The following LYZL2 variants were observed in gnomAD, a reference collection of about 807,000 sequenced individuals.
LYZL2 encodes lysozyme like 2, also known as lysozyme-like protein 2.
Under a neutral mutation model 17.1 loss-of-function variants are expected in LYZL2, and 13 were observed. That is an observed-to-expected ratio of 0.76 (90% confidence interval 0.49 to 1.21). LYZL2 has a LOEUF of 1.21. LYZL2 is among the 50% of genes most tolerant of loss of function. The pLI is 0.00. For missense variants in LYZL2, 166 were observed against 189.2 expected, an observed-to-expected ratio of 0.88 and a Z score of 0.72; for synonymous variants, 63 against 74.4, an observed-to-expected ratio of 0.85 and a Z score of 0.79.
chr10:30,614,479 A>T (rs1838497001), intron 3 of LYZL2, among the ~76,000 whole-genome samples: 1 of 152,246 alleles, frequency 6.6e-6, no homozygotes, highest in Non-Finnish European at 1.5e-5. Context: ...ATCCTGAAGC[A>T]GGTGGCAGGT....
At chr10:30,611,613 AAGAG>A (rs766546019), downstream of LYZL2, among the ~76,000 whole-genome samples, 2 of 139,438 alleles carry the variant, frequency 1.4e-5, no homozygotes, top group African/African-American at 5.4e-5. Context: ...GAAAGAAAGA[AAGAG>A]AAAGAAAGAA....
chr10:30,629,365 G>C (rs1838769525), intron 1 of LYZL2, among the ~76,000 whole-genome samples: 1 of 150,812 alleles, frequency 6.6e-6, no homozygotes, highest in Non-Finnish European at 1.5e-5. Flanking sequence ...CTGCACTCCA[G>C]CCTGGGCAAC....
chr10:30,626,424 C>T (rs1441792499), intron 2 of LYZL2, among the ~76,000 whole-genome samples, 161 bp from the exon 3 acceptor site: 1 of 152,186 alleles, frequency 6.6e-6, no homozygotes, highest in East Asian at 1.9e-4. Flanking sequence ...ACACGAGGGG[C>T]ACATCAGGGG....
At chr10:30,613,015 A>G (rs140245978) in intron 3 of LYZL2, 115 bp from the exon 4 acceptor site, 223 of 733,894 alleles carry the variant, frequency 3.0e-4, no homozygotes, top group Middle Eastern at 2.2e-3. Context: ...TGGAAGAACT[A>G]TAATTTTCCC....
At chr10:30,618,181 C>T (rs1454333813) in intron 3 of LYZL2, among the ~76,000 whole-genome samples, 1 of 152,162 alleles carries the variant, frequency 6.6e-6, no homozygotes, top group South Asian at 2.1e-4. Flanking sequence ...AAAGAGGATA[C>T]AAACAAATGG....
downstream of LYZL2, among the ~76,000 whole-genome samples, chr10:30,610,248 A>G (rs904612249): frequency 3.3e-5 from 5 of 152,206 alleles, no homozygotes; most frequent in African/African-American, 1.2e-4. Flanking sequence ...CTGGAATAAC[A>G]TGGGGAACTC....
At chr10:30,612,924 G>A (rs755502964) in intron 3 of LYZL2, 24 bp from the exon 4 acceptor site, 2 of 1,598,436 alleles carry the variant, frequency 1.3e-6, no homozygotes, top group South Asian at 2.2e-5. Flanking sequence ...GGTCATCAGG[G>A]TTAGGCGAGA....
intron 3 of LYZL2, among the ~76,000 whole-genome samples, chr10:30,623,982 C>T (rs1377289960): frequency 6.6e-6 from 1 of 152,202 alleles, no homozygotes; most frequent in Admixed American, 6.5e-5. Flanking sequence ...TCATCCTTCA[C>T]TCTCAGGCTG....
chr10:30,629,456 T>C, intron 1 of LYZL2, 137 bp downstream of exon 1: 2 of 767,274 alleles, frequency 2.6e-6, no homozygotes, highest in East Asian at 5.7e-5. Context: ...TGCCTTAGAA[T>C]GTTAACTGAT....
At chr10:30,611,558 G>A (rs185411418), downstream of LYZL2, among the ~76,000 whole-genome samples, 481 of 75,076 alleles carry the variant, frequency 6.4e-3, 1 homozygote, top group Middle Eastern at 0.012. Flanking sequence ...AAGGAAGGAA[G>A]GAAGGAAGGA....
At chr10:30,623,528 TCCA>T (rs1414613000) in intron 3 of LYZL2, among the ~76,000 whole-genome samples, 4 of 152,174 alleles carry the variant, frequency 2.6e-5, no homozygotes, top group African/African-American at 9.7e-5. Flanking sequence ...CTGCCTGGAC[TCCA>T]CCTCCTGTCA....
In LYZL2 at chr10:30,626,699, A is replaced by G. The variant is rs577324046; in HGVS notation, c.139+78T>C. On this transcript the variant is annotated intron_variant, in intron 2 of 4. Coordinates refer to ENST00000647634, the MANE Select transcript of LYZL2 (RefSeq NM_183058.3). ...GCAGGGGTAGTTGGGGAGACACAGC[A>G]GGGAGTGTAGCCAGGACCTTCAACA... 9.0e-4 allele frequency: 1,423 copies of G among 1,585,566 alleles called. 7 individuals carry two copies. The South Asian group carries it at 0.015, about 17-fold the overall frequency.
chr10:30,626,878 AG>A lies in LYZL2; in HGVS notation c.37del (p.Leu13TrpfsTer76), dbSNP rs758144415. Reference sequence around the variant, plus strand: ...GATTTTGGACTCGGCGCCTGTGACCAGGCAGCCAATGAGGGTCAGAATGCCC... The same window carrying A: ...GATTTTGGACTCGGCGCCTGTGACCAGCAGCCAATGAGGGTCAGAATGCCC... ...AAGILTLIGC[L>X]VTGAESKIYT... On this transcript the variant is annotated frameshift_variant, in exon 2 of 5. Coordinates refer to ENST00000647634, the MANE Select transcript of LYZL2 (RefSeq NM_183058.3). LOFTEE classifies it high-confidence loss of function. The A allele has an allele frequency of 9.3e-6, 15 of 1,614,106 alleles. No individual in the cohort carries two copies. In the South Asian group the frequency reaches 1.6e-4, roughly 18 times the overall value.
intron 1 of LYZL2, among the ~76,000 whole-genome samples, 200 bp downstream of exon 1, chr10:30,629,393 C>CAA (rs201593551): frequency 0.048 from 5,777 of 119,566 alleles, 340 homozygotes; most frequent in African/African-American, 0.16. Context: ...CATCCTGTTT[C>CAA]AAAAAAAAAA....
chr10:30,621,784 A>C (rs1337166919), intron 3 of LYZL2, among the ~76,000 whole-genome samples: 1 of 152,224 alleles, frequency 6.6e-6, no homozygotes, highest in Non-Finnish European at 1.5e-5. Flanking sequence ...AAACGATATC[A>C]ATTAACTGTC....
At chr10:30,606,351 CTTTTTT>C in the LYZL2 span, among the ~76,000 whole-genome samples, 1 of 131,850 alleles carries the variant, frequency 7.6e-6, no homozygotes. Flanking sequence ...ATAATAATTA[CTTTTTT>C]TTTTTTTTTT....
At chr10:30,617,377 C>A (rs957712032) in intron 3 of LYZL2, among the ~76,000 whole-genome samples, 2 of 152,074 alleles carry the variant, frequency 1.3e-5, no homozygotes, top group African/African-American at 4.8e-5. Flanking sequence ...AACTGAATTT[C>A]CTTAGGAAAG....
chr10:30,626,271 G>T lies in LYZL2; in HGVS notation c.140-8C>A. Reference sequence around the variant, plus strand: ...AATACGCCATGCAGATCCCTGGAGGGGGGAAAGCCAGAAACGCCAGCAAAG... The same window carrying T: ...AATACGCCATGCAGATCCCTGGAGGTGGGAAAGCCAGAAACGCCAGCAAAG... On this transcript the variant is annotated splice_polypyrimidine_tract_variant and splice_region_variant and intron_variant, in intron 2 of 4. Coordinates refer to ENST00000647634, the MANE Select transcript of LYZL2 (RefSeq NM_183058.3). 1 of 1,612,406 alleles carries T rather than the reference G, an allele frequency of 6.2e-7. No individual in the cohort carries two copies. The highest frequency in any genetic ancestry group is 8.5e-7 in the Non-Finnish European group (1 of 1,179,172).
chr10:30,627,805 AAC>A (rs1838739735), intron 1 of LYZL2, among the ~76,000 whole-genome samples: 1 of 152,178 alleles, frequency 6.6e-6, no homozygotes. Context: ...GGTGTGTAGA[AAC>A]AGACACCCCA....
Sources: allele counts gnomAD v4.1 joint callset (sites outside exome capture counted in the v4.1 genomes callset), GRCh38; gene constraint gnomAD v4.1.1; transcripts MANE v1.5; gene names NCBI Gene and HGNC (gene_info 2026-07-23, HGNC 2026-07-21).